Variants in PODXL2 observed in about 807,000 individuals in gnomAD.
PODXL2 encodes podocalyxin-like protein 2.
PODXL2 carries 17 observed loss-of-function variants against 53.4 expected under a neutral mutation model. That is an observed-to-expected ratio of 0.32 (90% CI 0.22 to 0.48). The LOEUF (loss-of-function observed/expected upper bound fraction) is 0.48, where lower values mean the gene tolerates loss of function less well. Ranked by LOEUF, PODXL2 falls within the 20% of genes least tolerant of loss-of-function variation. PODXL2 has a pLI of 0.99. For synonymous variants in PODXL2, 311 were observed against 306.7 expected (o/e 1.01, Z -0.15); for missense variants, 673 against 760.0 (o/e 0.89, Z 1.35).
Position 127,660,587 on chromosome 3 carries a change from G to A in PODXL2, c.559G>A (p.Glu187Lys). 1 of 1,614,162 alleles carries A rather than the reference G, an allele frequency of 6.2e-7. No individual in the cohort carries two copies. Among genetic ancestry groups the A allele is most frequent in the Non-Finnish European group, 8.5e-7 (1 of 1,180,008 alleles). The stretch of plus-strand genomic sequence containing the variant: ...AGAGAAACAAGAGGAGGAGGAAGAG[G>A]AGGAGCTGCTCCCTGTGAATGGATC... ...EVEKQEEEEE[E>K]ELLPVNGSQE... The change falls in exon 3 of 8, where the codon GAG becomes AAG. Residue 187 changes from glutamate to lysine, a missense_variant. This residue lies in a region of PODXL2 where 588 missense variants were observed against 668.3 expected (regional missense o/e 0.88). Coordinates refer to ENST00000342480, the MANE Select transcript of PODXL2 (RefSeq NM_015720.4).
chr3:127,664,388 TTATC>T (rs1358333776), intron 4 of PODXL2, among the ~76,000 whole-genome samples: 4 of 152,168 alleles, frequency 2.6e-5, no homozygotes, highest in African/African-American at 9.7e-5. Flanking sequence ...CACATGTTAT[TTATC>T]CATGCAGCTG....
chr3:127,667,634 A>G (rs1334842610), intron 4 of PODXL2, among the ~76,000 whole-genome samples: 1 of 152,178 alleles, frequency 6.6e-6, no homozygotes, highest in Non-Finnish European at 1.5e-5. Flanking sequence ...CCATTCGTTG[A>G]GTTTCTGTTT....
At chr3:127,648,855 C>T (rs2074672316) in intron 2 of PODXL2, among the ~76,000 whole-genome samples, 1 of 139,534 alleles carries the variant, frequency 7.2e-6, no homozygotes, top group African/African-American at 2.7e-5. Context: ...TGCACTGGTG[C>T]GATCTCAGCT....
rs971258476 is a variant in PODXL2 at position 127,672,577 on chromosome 3, G to C, written c.*97G>C. On this transcript the variant is annotated 3_prime_UTR_variant, in exon 8 of 8. Transcript: ENST00000342480. ...GCCCGCACCAGCCCCGCGCCTACCCGGGCCGCCCCCGCGGCCTGGCCCTCG... is the reference window on the plus strand; with the variant it reads ...GCCCGCACCAGCCCCGCGCCTACCCCGGCCGCCCCCGCGGCCTGGCCCTCG... 9.6e-5 allele frequency: 76 copies of C among 792,222 alleles called. 1 individual carries two copies. Among genetic ancestry groups the C allele is most frequent in the South Asian group, 8.8e-4 (39 of 44,198 alleles). The allele number at this position is 792,222 out of a possible 1,614,324, so 49.1% of individuals were successfully genotyped here. A position where few individuals can be genotyped will look rare whatever the true frequency, so the allele number is the denominator to read the frequency against.
chr3:127,650,984 G>T (rs2074685260), intron 2 of PODXL2, among the ~76,000 whole-genome samples: 1 of 152,196 alleles, frequency 6.6e-6, no homozygotes, highest in African/African-American at 2.4e-5. Flanking sequence ...CTGTGGTGAG[G>T]CTGGGTGCGA....
chr3:127,651,037 G>A (rs2074685784), intron 2 of PODXL2, among the ~76,000 whole-genome samples: 1 of 152,162 alleles, frequency 6.6e-6, no homozygotes, highest in Non-Finnish European at 1.5e-5. Flanking sequence ...GGCCGAGACG[G>A]GTGGATCACC....
chr3:127,668,579 A>G lies in PODXL2; in HGVS notation c.1345A>G (p.Thr449Ala). Residue 449 changes from threonine to alanine, a missense_variant, in exon 5 of 8, where the codon ACA becomes GCA. Thr to Ala is a moderately conservative substitution (Grantham distance 58). Around this residue, in one of 3 missense-constraint regions of PODXL2, gnomAD observed 588 missense variants for 668.3 expected, o/e 0.88. Coordinates refer to ENST00000342480, the MANE Select transcript of PODXL2 (RefSeq NM_015720.4). ...PSEKEQHLLM[T>A]LVGEQGVVPT... The stretch of plus-strand genomic sequence containing the variant: ...CGAGAAGGAGCAGCACCTTCTCATG[A>G]CACTGGTGGGCGAGCAGGGTGAGCG... 1 of 1,549,014 alleles carries G rather than the reference A, an allele frequency of 6.5e-7. No homozygotes were observed. The highest frequency in any genetic ancestry group is 8.7e-7 in the Non-Finnish European group (1 of 1,145,408).
intron 4 of PODXL2, among the ~76,000 whole-genome samples, chr3:127,662,641 C>T (rs972213665): frequency 5.3e-5 from 8 of 152,090 alleles, no homozygotes; most frequent in African/African-American, 1.7e-4. Context: ...TGCTTTTCTC[C>T]GTTTTGGGTC....
intron 6 of PODXL2, among the ~76,000 whole-genome samples, chr3:127,670,528 T>A (rs1359138105): frequency 1.3e-5 from 2 of 152,256 alleles, no homozygotes; most frequent in African/African-American, 2.4e-5. Context: ...AAAGTCATGC[T>A]GGGTCTTTGG....
intron 3 of PODXL2, among the ~76,000 whole-genome samples, chr3:127,661,990 C>T (rs1194226442): frequency 6.6e-6 from 1 of 152,218 alleles, no homozygotes; most frequent in Non-Finnish European, 1.5e-5. Flanking sequence ...TAGTCCCCTA[C>T]TTCCTGGGAA....
intron 2 of PODXL2, among the ~76,000 whole-genome samples, chr3:127,658,592 G>A (rs1330373656): frequency 6.6e-6 from 1 of 151,932 alleles, no homozygotes; most frequent in Non-Finnish European, 1.5e-5. Flanking sequence ...ATTTTTCAGT[G>A]CATTTTTAAA....
intron 6 of PODXL2, 112 bp from the exon 7 acceptor site, chr3:127,671,322 A>G: frequency 1.1e-6 from 1 of 937,792 alleles, no homozygotes; most frequent in Non-Finnish European, 1.6e-6. Flanking sequence ...CGGGAGTGCC[A>G]GCACCTTCTA....
intron 2 of PODXL2, among the ~76,000 whole-genome samples, chr3:127,652,438 A>T (rs1335012419): frequency 2.6e-5 from 4 of 152,090 alleles, no homozygotes; most frequent in Non-Finnish European, 4.4e-5. Flanking sequence ...CAATCAATCC[A>T]GGAGGTCCTC....
Position 127,668,324 on chromosome 3 carries a change from G to A in PODXL2, c.1207-117G>A, listed in dbSNP as rs371087320. The A allele has an allele frequency of 2.6e-5, 24 of 929,892 alleles. 1 individual carries two copies. The highest frequency in any genetic ancestry group is 1.4e-4 in the South Asian group (4 of 29,156). The allele number at this position is 929,892 out of a possible 1,614,324, so 57.6% of individuals were successfully genotyped here. A position where few individuals can be genotyped will look rare whatever the true frequency, so the allele number is the denominator to read the frequency against. ...AGGGTCTCCAGAGTTGACCAGAGCT[G>A]CCTCTCTTGGAACAGCCAGAGGGTT... is the stretch of plus-strand genomic sequence containing the variant. On this transcript the variant is annotated intron_variant, in intron 4 of 7. Transcript: ENST00000342480.
rs747056468 is a variant in PODXL2 at position 127,639,272 on chromosome 3, G to C, written c.98G>C (p.Gly33Ala). The C allele has an allele frequency of 6.2e-7, 1 of 1,611,048 alleles. No homozygotes were observed. Among genetic ancestry groups the C allele is most frequent in the Non-Finnish European group, 8.5e-7 (1 of 1,179,410 alleles). The change falls in exon 2 of 8, where the codon GGG becomes GCG. Residue 33 changes from glycine to alanine, a missense_variant. Around this residue, in one of 3 missense-constraint regions of PODXL2, gnomAD observed 588 missense variants for 668.3 expected, o/e 0.88. Coordinates refer to ENST00000342480, the MANE Select transcript of PODXL2 (RefSeq NM_015720.4). The part of the protein sequence containing the change: ...GGAFLGACVA[G>A]SDEPGPEGLT... ...GCGTTCCTGGGTGCCTGTGTGGCTGGGTCTGATGAGCCTGGCCCAGAGGGC... is the reference window on the plus strand; with the variant it reads ...GCGTTCCTGGGTGCCTGTGTGGCTGCGTCTGATGAGCCTGGCCCAGAGGGC...
chr3:127,645,459 C>T (rs1012311918), intron 2 of PODXL2, among the ~76,000 whole-genome samples: 1 of 152,238 alleles, frequency 6.6e-6, no homozygotes, highest in Non-Finnish European at 1.5e-5. Flanking sequence ...CTTTTGCCAG[C>T]TCTGACCAAT....
At chr3:127,657,331 T>TCCA (rs1368379300) in intron 2 of PODXL2, among the ~76,000 whole-genome samples, 2 of 152,208 alleles carry the variant, frequency 1.3e-5, no homozygotes, top group Non-Finnish European at 2.9e-5. Context: ...TGTGTCACCA[T>TCCA]CCACCATATT....
intron 2 of PODXL2, among the ~76,000 whole-genome samples, chr3:127,655,442 T>C (rs1278674555): frequency 6.6e-6 from 1 of 152,024 alleles, no homozygotes; most frequent in Non-Finnish European, 1.5e-5. Flanking sequence ...ACAATAATAA[T>C]AGCAGGAGGA....
intron 5 of PODXL2, 83 bp from the exon 6 acceptor site, chr3:127,669,058 T>A: frequency 1.2e-6 from 1 of 839,724 alleles, no homozygotes. Context: ...TCAGGCCAGC[T>A]GTTGGAGAGC....
Sources: gnomAD v4.1 joint callset for allele counts (sites outside exome capture counted in the v4.1 genomes callset) on GRCh38, gnomAD v4.1.1 for gene constraint, gnomAD v4.1.1 regional missense constraint, MANE v1.5 for transcripts, NCBI Gene and HGNC (gene_info 2026-07-23, HGNC 2026-07-21) for gene names.